HSD17B4: variants seen among roughly 807,000 people sequenced by gnomAD.
The protein encoded by HSD17B4 is hydroxysteroid 17-beta dehydrogenase 4.
HSD17B4 carries 70 observed loss-of-function variants against 101.0 expected under a neutral mutation model. The observed-to-expected ratio is 0.69, with a 90% CI of 0.57 to 0.85. The LOEUF is 0.85. Among genes scored for constraint, HSD17B4 ranks in the 40% least tolerant of loss-of-function variants. HSD17B4 has a pLI of 0.00. For synonymous variants in HSD17B4, 347 were observed against 297.1 expected (o/e 1.17, Z -1.73); for missense variants, 984 against 892.4 (o/e 1.10, Z -1.31).
At chr5:119,474,358 AG>A (rs1343167350) in intron 3 of HSD17B4, 42 bp from the exon 4 acceptor site, 2 of 1,229,818 alleles carry the variant, frequency 1.6e-6, no homozygotes, top group Non-Finnish European at 2.4e-6. Flanking sequence ...GTCCTTTGGA[AG>A]GGAGGTTGCC....
At chr5:119,525,355 C>G (rs1753488956) in intron 18 of HSD17B4, 70 bp downstream of exon 18, 1 of 936,432 alleles carries the variant, frequency 1.1e-6, no homozygotes, top group African/African-American at 1.6e-5. Context: ...AATGTAAAGA[C>G]ACTACTACTT....
chr5:119,526,006 A>G lies in HSD17B4; in HGVS notation c.1663A>G (p.Arg555Gly), dbSNP rs561555159. The G allele has an allele frequency of 1.3e-5, 21 of 1,594,118 alleles. No individual in the cohort carries two copies. Among genetic ancestry groups the G allele is most frequent in the Non-Finnish European group, 1.8e-5 (21 of 1,162,080 alleles). The change falls in exon 19 of 24, where the codon AGA (arginine) becomes GGA (glycine). Residue 555 changes from arginine (R) to glycine (G), a missense_variant. Arg to Gly is a moderately radical substitution (Grantham distance 125). Coordinates refer to ENST00000510025, the MANE Select transcript of HSD17B4 (RefSeq NM_000414.4). ...LQQFADNDVSRFKAIKARFAK... is the reference protein window; with the variant it reads ...LQQFADNDVSGFKAIKARFAK... Reference sequence around the variant, plus strand: ...GCAGTTTGCAGATAATGATGTGTCAAGATTCAAGGCAATTAAGGTAAATGT... The same window carrying G: ...GCAGTTTGCAGATAATGATGTGTCAGGATTCAAGGCAATTAAGGTAAATGT...
intron 23 of HSD17B4, among the ~76,000 whole-genome samples, chr5:119,538,356 T>G (rs1184159607): frequency 6.6e-6 from 1 of 152,238 alleles, no homozygotes; most frequent in East Asian, 1.9e-4. Context: ...CTAGCCTCTG[T>G]CATCTCTCAC....
intron 2 of HSD17B4, among the ~76,000 whole-genome samples, chr5:119,471,876 G>C (rs1756406309): frequency 6.6e-6 from 1 of 152,028 alleles, no homozygotes; most frequent in Admixed American, 6.5e-5. Context: ...TAAAATCTGT[G>C]TATTACTGTG....
chr5:119,492,531 G>C (rs984178995), intron 10 of HSD17B4: 1 of 172,344 alleles, frequency 5.8e-6, no homozygotes, highest in Non-Finnish European at 1.3e-5. Flanking sequence ...TAGAGCAGCA[G>C]GCAAGTTCTC....
intron 8 of HSD17B4, among the ~76,000 whole-genome samples, chr5:119,483,113 G>C (rs1461646161): frequency 6.6e-6 from 1 of 152,064 alleles, no homozygotes; most frequent in East Asian, 1.9e-4. Context: ...ATTTTTCTCT[G>C]ATCTTCACTG....
intron 17 of HSD17B4, 96 bp downstream of exon 17, chr5:119,515,142 A>G (rs554673414): frequency 2.6e-6 from 2 of 763,906 alleles, no homozygotes; most frequent in Admixed American, 1.8e-5. Context: ...CATCTAATGC[A>G]TAATGAATAA....
intron 10 of HSD17B4, 197 bp from the exon 11 acceptor site, chr5:119,493,621 T>C (rs940970318): frequency 3.7e-6 from 2 of 534,818 alleles, no homozygotes; most frequent in Non-Finnish European, 6.7e-6. Context: ...CAGCTTCAAA[T>C]GTTTCTTTAA....
At chr5:119,496,131 T>A (rs1426046582) in intron 11 of HSD17B4, among the ~76,000 whole-genome samples, 1 of 152,164 alleles carries the variant, frequency 6.6e-6, no homozygotes, top group Non-Finnish European at 1.5e-5. Flanking sequence ...GAGGAGGTAA[T>A]CTTGGCATTC....
intron 7 of HSD17B4, 118 bp from the exon 8 acceptor site, chr5:119,478,716 G>A: frequency 1.4e-6 from 1 of 734,130 alleles, no homozygotes; most frequent in Non-Finnish European, 2.4e-6. Context: ...ATCGTAAGAA[G>A]CTAATGACAG....
intron 11 of HSD17B4, among the ~76,000 whole-genome samples, chr5:119,496,327 A>G (rs1750646691): frequency 6.6e-6 from 1 of 152,162 alleles, no homozygotes; most frequent in Admixed American, 6.5e-5. Flanking sequence ...AATGTCTTGT[A>G]TTTCATTGAA....
At chr5:119,476,852 T>C (rs1043574955) in intron 6 of HSD17B4, 4 of 262,270 alleles carry the variant, frequency 1.5e-5, no homozygotes, top group African/African-American at 6.9e-5. Flanking sequence ...AAAACATTTG[T>C]TTTACCAAAA....
intron 15 of HSD17B4, among the ~76,000 whole-genome samples, 197 bp from the exon 16 acceptor site, chr5:119,508,944 G>A (rs1751910150): frequency 6.6e-6 from 1 of 152,162 alleles, no homozygotes; most frequent in Non-Finnish European, 1.5e-5. Context: ...TCTTCTCTCT[G>A]CCTTTCAGAT....
intron 22 of HSD17B4, among the ~76,000 whole-genome samples, chr5:119,532,744 G>C (rs1240666744): frequency 6.6e-6 from 1 of 152,004 alleles, no homozygotes; most frequent in Non-Finnish European, 1.5e-5. Flanking sequence ...TGACATAAAG[G>C]CATAAGGGAG....
intron 12 of HSD17B4, among the ~76,000 whole-genome samples, chr5:119,498,372 A>G (rs908455109): frequency 6.6e-6 from 1 of 152,066 alleles, no homozygotes; most frequent in Non-Finnish European, 1.5e-5. Context: ...TCTTTTTCTT[A>G]TTTTTAATCA....
chr5:119,490,024 AC>A (rs3839243), intron 9 of HSD17B4, among the ~76,000 whole-genome samples: 16,820 of 148,566 alleles, frequency 0.11, 1,150 homozygotes, highest in South Asian at 0.16. Context: ...TGTATATTAG[AC>A]CCCCCCCCAT....
At chr5:119,537,033 T>C (rs185379923) in intron 23 of HSD17B4, among the ~76,000 whole-genome samples, 9 of 152,260 alleles carry the variant, frequency 5.9e-5, no homozygotes, top group Admixed American at 5.9e-4. Flanking sequence ...TCCACAAATA[T>C]ACAAAATTAA....
chr5:119,537,799 T>A (rs1262009627), intron 23 of HSD17B4, among the ~76,000 whole-genome samples: 1 of 152,154 alleles, frequency 6.6e-6, no homozygotes, highest in South Asian at 2.1e-4. Flanking sequence ...AATAAAACTT[T>A]ATTTACAGAA....
chr5:119,539,546 C>T lies in HSD17B4; in HGVS notation c.2122-2359C>T, dbSNP rs577877129. 5.4e-4 allele frequency among the ~76,000 whole-genome samples: 82 copies of T among 151,400 alleles called. 1 individual carries two copies. Among genetic ancestry groups the T allele is most frequent in the Middle Eastern group, 3.4e-3 (1 of 294 alleles). ...CATGTATACATATGTAACAAACCTGCGCATTGTGCACATGTACCCTAGAAC... is the reference window on the plus strand; with the variant it reads ...CATGTATACATATGTAACAAACCTGTGCATTGTGCACATGTACCCTAGAAC... On this transcript the variant is annotated intron_variant, in intron 23 of 23. Transcript: ENST00000510025.
Sources: gnomAD v4.1 joint callset for allele counts (sites outside exome capture counted in the v4.1 genomes callset) on GRCh38, gnomAD v4.1.1 for gene constraint, MANE v1.5 for transcripts, NCBI Gene and HGNC (gene_info 2026-07-23, HGNC 2026-07-21) for gene names.